CTNNA2: variants seen among roughly 807,000 people sequenced by gnomAD.
The protein encoded by CTNNA2 is catenin alpha-2.
In CTNNA2, 42 loss-of-function variants were observed where a neutral mutation model predicts 101.0. The observed-to-expected ratio is 0.42, with a 90% confidence interval of 0.32 to 0.54. CTNNA2 has a LOEUF of 0.54. CTNNA2 is among the 20% of genes least tolerant of loss of function. CTNNA2 has a pLI of 0.14. For missense variants in CTNNA2, 871 were observed against 1,223.1 expected, an observed-to-expected ratio of 0.71 and a Z score of 4.29; for synonymous variants, 450 against 456.4, an observed-to-expected ratio of 0.99 and a Z score of 0.18.
At chr2:80,586,803 C>T (rs1332669176) in intron 14 of CTNNA2, among the ~76,000 whole-genome samples, 3 of 152,180 alleles carry the variant, frequency 2.0e-5, no homozygotes. Context: ...CATATCCAAA[C>T]ATACATACAC....
chr2:79,975,597 T>A (rs112090524), intron 7 of CTNNA2, among the ~76,000 whole-genome samples: 203 of 152,268 alleles, frequency 1.3e-3, no homozygotes, highest in Non-Finnish European at 2.4e-3. Context: ...ACCAACCAGC[T>A]ATAAATCAGC....
intron 4 of CTNNA2, among the ~76,000 whole-genome samples, chr2:79,391,741 C>A (rs1055561357): frequency 6.6e-6 from 1 of 152,110 alleles, no homozygotes; most frequent in Non-Finnish European, 1.5e-5. Flanking sequence ...GATTTCAAAC[C>A]CAGCAATCTG....
At chr2:80,404,494 T>TA (rs1463246796) in intron 8 of CTNNA2, among the ~76,000 whole-genome samples, 8 of 152,356 alleles carry the variant, frequency 5.3e-5, no homozygotes, top group Middle Eastern at 3.4e-3. Context: ...ACACTTATTT[T>TA]AAAAGCAGAC....
chr2:79,626,619 A>ATGTG lies in CTNNA2; in HGVS notation c.-5-24899_-5-24896dup, dbSNP rs71867416. Among the ~76,000 whole-genome samples the ATGTG allele has an allele frequency of 2.7e-3, 380 of 142,496 alleles. 3 individuals are homozygous for ATGTG. Among genetic ancestry groups the ATGTG allele is most frequent in the East Asian group, 5.3e-3 (25 of 4,686 alleles). 93.5% of individuals were successfully genotyped at this position (142,496 alleles called of 152,430 possible). On this transcript the variant is annotated intron_variant, in intron 1 of 18. Coordinates refer to ENST00000402739, the MANE Select transcript of CTNNA2 (RefSeq NM_001282597.3). ...TATGTGTATGTGCGTGTGTGTGTGT[A>ATGTG]TGTGTGTGTGTGTGTGTGTGTGTGT...
rs181977451 is a variant in CTNNA2 at position 80,093,073 on chromosome 2, A to T, written c.1056+183276A>T. On this transcript the variant is annotated intron_variant, in intron 7 of 18. Transcript: ENST00000402739. ...ACAACATGCAGGTTTGTTACATATG[A>T]ATACATGTGCCATGTTGGTGTGCCG... Among the ~76,000 whole-genome samples, 203 of 151,922 alleles carry T rather than the reference A, an allele frequency of 1.3e-3. 2 individuals carry two copies. The Middle Eastern group carries it at 0.014, about 10-fold the overall frequency.
intron 7 of CTNNA2, among the ~76,000 whole-genome samples, chr2:80,038,144 G>A (rs1308557521): frequency 6.6e-6 from 1 of 152,180 alleles, no homozygotes; most frequent in African/African-American, 2.4e-5. Flanking sequence ...TGGCATGGAG[G>A]AGATGGACTC....
At chr2:79,673,422 T>G (rs527928561) in intron 2 of CTNNA2, among the ~76,000 whole-genome samples, 1 of 152,324 alleles carries the variant, frequency 6.6e-6, no homozygotes, top group African/African-American at 2.4e-5. Flanking sequence ...AGTACAATAA[T>G]AAATTATAGC....
intron 7 of CTNNA2, among the ~76,000 whole-genome samples, chr2:80,042,872 G>C (rs1189459309): frequency 6.6e-6 from 1 of 152,076 alleles, no homozygotes; most frequent in Non-Finnish European, 1.5e-5. Context: ...TTACAGCCTT[G>C]GGTAAATTAG....
chr2:80,567,171 A>C (rs1694135861), intron 12 of CTNNA2, among the ~76,000 whole-genome samples: 1 of 152,194 alleles, frequency 6.6e-6, no homozygotes, highest in Non-Finnish European at 1.5e-5. Flanking sequence ...GAGGATTTTT[A>C]AAGTCCCCCG....
At chr2:80,523,006 A>G (rs546749541) in intron 9 of CTNNA2, among the ~76,000 whole-genome samples, 1 of 152,282 alleles carries the variant, frequency 6.6e-6, no homozygotes, top group South Asian at 2.1e-4. Flanking sequence ...TGGAGCTATC[A>G]ACCAACTCAG....
chr2:79,965,864 AAAAG>A (rs1558682632), intron 7 of CTNNA2, among the ~76,000 whole-genome samples: 1 of 146,402 alleles, frequency 6.8e-6, no homozygotes, highest in African/African-American at 2.7e-5. Context: ...GAAAAGAAAG[AAAAG>A]AAAAGAAAAA....
intron 4 of CTNNA2, among the ~76,000 whole-genome samples, chr2:79,456,393 T>C (rs1670820994): frequency 6.6e-6 from 1 of 152,074 alleles, no homozygotes; most frequent in African/African-American, 2.4e-5. Flanking sequence ...CTTAAAGCCA[T>C]TTAATTTATA....
intron 7 of CTNNA2, among the ~76,000 whole-genome samples, chr2:80,383,536 T>C (rs1341813858): frequency 6.6e-6 from 1 of 152,184 alleles, no homozygotes; most frequent in African/African-American, 2.4e-5. Context: ...TTTGGCACAC[T>C]ACCTACATGA....
At chr2:79,609,734 T>TTA (rs1678141717) in intron 1 of CTNNA2, among the ~76,000 whole-genome samples, 2 of 152,106 alleles carry the variant, frequency 1.3e-5, no homozygotes, top group Non-Finnish European at 2.9e-5. Flanking sequence ...GCCGGAACAG[T>TTA]TGTATATCCA....
Position 79,471,577 on chromosome 2 carries a change from G to A in CTNNA2, c.-134-33477G>A, listed in dbSNP as rs184650077. Among the ~76,000 whole-genome samples, 95 of 152,188 alleles carry A rather than the reference G, an allele frequency of 6.2e-4. No individual in the cohort carries two copies. The East Asian group carries it at 0.017, about 26-fold the overall frequency. On this transcript the variant is annotated intron_variant, in intron 4 of 21. Transcript: ENST00000466387. ...ATATCGGCCGGGTGCAGTGGCTCAC[G>A]CCTGCAATCCCAGCACTTTGGGAGG...
At chr2:80,410,232 A>G (rs1213246661) in intron 8 of CTNNA2, among the ~76,000 whole-genome samples, 1 of 152,202 alleles carries the variant, frequency 6.6e-6, no homozygotes, top group African/African-American at 2.4e-5. Context: ...TTTTTGAGAC[A>G]GTTTGTTTTT....
At chr2:80,444,220 C>A (rs1325106834) in intron 9 of CTNNA2, among the ~76,000 whole-genome samples, 1 of 152,052 alleles carries the variant, frequency 6.6e-6, no homozygotes, top group Non-Finnish European at 1.5e-5. Context: ...AGATCAAGGG[C>A]AATAAGGATG....
At chr2:80,447,565 G>C (rs1319639515) in intron 9 of CTNNA2, among the ~76,000 whole-genome samples, 1 of 152,190 alleles carries the variant, frequency 6.6e-6, no homozygotes, top group Non-Finnish European at 1.5e-5. Context: ...ACTTCCTGCT[G>C]CAAGAGGAGA....
At chr2:80,094,799 T>A (rs1257203070) in intron 7 of CTNNA2, among the ~76,000 whole-genome samples, 1 of 152,210 alleles carries the variant, frequency 6.6e-6, no homozygotes, top group Non-Finnish European at 1.5e-5. Context: ...ATGATTTGGC[T>A]CTCTGTTTGT....
Sources: allele counts gnomAD v4.1 joint callset (sites outside exome capture counted in the v4.1 genomes callset), GRCh38; gene constraint gnomAD v4.1.1; transcripts MANE v1.5; gene names NCBI Gene and HGNC (gene_info 2026-07-23, HGNC 2026-07-21).